EIPR1: variants seen among roughly 807,000 people sequenced by gnomAD.
EIPR1 encodes EARP complex and GARP complex interacting protein 1.
Under a neutral mutation model 48.1 loss-of-function variants are expected in EIPR1, and 25 were observed. That is an observed-to-expected ratio of 0.52 (90% CI 0.38 to 0.73). The LOEUF is 0.73. Among genes scored for constraint, EIPR1 ranks in the 30% least tolerant of loss-of-function variants. EIPR1 has a pLI of 0.00. For synonymous variants in EIPR1, 204 were observed against 201.9 expected (o/e 1.01, Z -0.09); for missense variants, 415 against 506.2 (o/e 0.82, Z 1.73).
At position 3,283,744 on chromosome 2, in the gene EIPR1, G is replaced by A. The variant is rs1668087128; in HGVS notation, c.260-26289C>T. 2.0e-5 allele frequency among the ~76,000 whole-genome samples: 3 copies of A among 152,160 alleles called. No individual in the cohort carries two copies. The South Asian group carries it at 6.2e-4, about 32-fold the overall frequency. ...GGATCATTTGAGGTCAGGAGTTCAA[G>A]ACCAGCCTGGCCAACATGGTGAAAT... On this transcript the variant is annotated intron_variant, in intron 3 of 8. Transcript: ENST00000382125.
At chr2:3,208,540 T>C in intron 5 of EIPR1, 1 of 1,548,044 alleles carries the variant, frequency 6.5e-7, no homozygotes, top group Non-Finnish European at 8.7e-7. Context: ...TACTTAAAAA[T>C]AGTGAGAAAT....
chr2:3,281,183 T>C (rs531308764), intron 3 of EIPR1, among the ~76,000 whole-genome samples: 1 of 151,932 alleles, frequency 6.6e-6, no homozygotes, highest in African/African-American at 2.4e-5. Flanking sequence ...GACACAAACA[T>C]CCACTCAACA....
At chr2:3,282,576 G>A (rs1005166226) in intron 3 of EIPR1, 6 of 152,368 alleles carry the variant, frequency 3.9e-5, no homozygotes, top group African/African-American at 7.2e-5. Flanking sequence ...ACGGCCGCAC[G>A]GGCTGCTGCG....
At chr2:3,203,657 G>T (rs893622265) in intron 5 of EIPR1, among the ~76,000 whole-genome samples, 3 of 152,252 alleles carry the variant, frequency 2.0e-5, no homozygotes, top group African/African-American at 7.2e-5. Flanking sequence ...CAGCGTCTGG[G>T]ATGGCCCTCG....
chr2:3,349,857 C>T (rs1281416729), intron 2 of EIPR1, among the ~76,000 whole-genome samples: 1 of 152,184 alleles, frequency 6.6e-6, no homozygotes, highest in Non-Finnish European at 1.5e-5. Context: ...GGTACGGTGG[C>T]TCACGCCTGT....
chr2:3,217,920 C>T (rs1449521370), intron 4 of EIPR1, among the ~76,000 whole-genome samples: 1 of 152,168 alleles, frequency 6.6e-6, no homozygotes, highest in African/African-American at 2.4e-5. Flanking sequence ...GGTTTCACTC[C>T]CCAACCCCTC....
At chr2:3,214,384 T>C in intron 4 of EIPR1, 136 bp from the exon 5 acceptor site, 1 of 719,468 alleles carries the variant, frequency 1.4e-6, no homozygotes, top group South Asian at 1.8e-5. Context: ...TTTTTTACAC[T>C]GTCACCCGGC....
At chr2:3,207,391 G>A (rs1385154103) in intron 5 of EIPR1, among the ~76,000 whole-genome samples, 2 of 152,326 alleles carry the variant, frequency 1.3e-5, no homozygotes, top group Non-Finnish European at 2.9e-5. Context: ...GGCTCAGGTC[G>A]TCCTGTACTC....
chr2:3,297,312 G>A (rs1668632292), intron 3 of EIPR1, among the ~76,000 whole-genome samples: 1 of 152,228 alleles, frequency 6.6e-6, no homozygotes, highest in South Asian at 2.1e-4. Flanking sequence ...TGAAGTGAGT[G>A]TTTCAGCCAC....
intron 3 of EIPR1, among the ~76,000 whole-genome samples, chr2:3,317,416 G>A (rs1230935482): frequency 4.0e-5 from 6 of 151,836 alleles, no homozygotes; most frequent in South Asian, 2.1e-4. Context: ...TCGCACGCAG[G>A]GTGGAGCACG....
chr2:3,370,904 C>T (rs1671098445), intron 1 of EIPR1, among the ~76,000 whole-genome samples: 1 of 152,028 alleles, frequency 6.6e-6, no homozygotes, highest in South Asian at 2.1e-4. Context: ...AAAGATACTC[C>T]TCGAGAAGAG....
At chr2:3,316,975 T>TG (rs1186415902) in intron 3 of EIPR1, among the ~76,000 whole-genome samples, 1 of 152,074 alleles carries the variant, frequency 6.6e-6, no homozygotes, top group Non-Finnish European at 1.5e-5. Context: ...GCCTTGCACA[T>TG]GGGGTGGAGC....
intron 3 of EIPR1, chr2:3,274,338 C>T: frequency 6.4e-7 from 1 of 1,550,472 alleles, no homozygotes; most frequent in East Asian, 2.4e-5. Context: ...CAGAAACTTA[C>T]AGGTTGCCAG....
At chr2:3,323,853 A>G (rs1029666511) in intron 3 of EIPR1, among the ~76,000 whole-genome samples, 8 of 152,220 alleles carry the variant, frequency 5.3e-5, no homozygotes, top group African/African-American at 1.7e-4. Context: ...AGGAGGCAGC[A>G]CAGTGCGTGG....
At chr2:3,267,935 C>A (rs576200494) in intron 3 of EIPR1, among the ~76,000 whole-genome samples, 2 of 152,368 alleles carry the variant, frequency 1.3e-5, no homozygotes, top group South Asian at 2.1e-4. Context: ...AGGCGCCCTG[C>A]AGACCGTGCC....
intron 3 of EIPR1, among the ~76,000 whole-genome samples, chr2:3,313,726 T>G (rs1313625077): frequency 6.6e-6 from 1 of 152,160 alleles, no homozygotes; most frequent in Non-Finnish European, 1.5e-5. Flanking sequence ...GCACAGTAAG[T>G]GTTTGGATCT....
At chr2:3,362,202 C>T (rs1053390633) in intron 1 of EIPR1, among the ~76,000 whole-genome samples, 2 of 151,994 alleles carry the variant, frequency 1.3e-5, no homozygotes, top group Non-Finnish European at 2.9e-5. Flanking sequence ...GCCCCTCACT[C>T]CCAGCCTGCC....
intron 5 of EIPR1, among the ~76,000 whole-genome samples, chr2:3,205,244 T>C (rs953916297): frequency 6.6e-6 from 1 of 152,216 alleles, no homozygotes; most frequent in Non-Finnish European, 1.5e-5. Context: ...GACACTGCTC[T>C]GAGCTGAGCA....
intron 5 of EIPR1, among the ~76,000 whole-genome samples, chr2:3,204,120 A>G (rs939206198): frequency 6.6e-6 from 1 of 152,226 alleles, no homozygotes; most frequent in Admixed American, 6.5e-5. Context: ...ATGCCCCCAG[A>G]TAAGGGGAGA....
Sources: gnomAD v4.1 joint callset for allele counts (sites outside exome capture counted in the v4.1 genomes callset) on GRCh38, gnomAD v4.1.1 for gene constraint, MANE v1.5 for transcripts, NCBI Gene and HGNC (gene_info 2026-07-23, HGNC 2026-07-21) for gene names.